The following PCDHA9 variants were observed in gnomAD, a reference collection of about 807,000 sequenced individuals.
PCDHA9 encodes protocadherin alpha 9, also known as protocadherin alpha-9.
Under a neutral mutation model 62.0 loss-of-function variants are expected in PCDHA9, and 62 were observed. That is an observed-to-expected ratio of 1.00 (90% CI 0.81 to 1.23). PCDHA9 has a LOEUF of 1.23. PCDHA9 is among the 50% of genes most tolerant of loss of function. PCDHA9 has a pLI of 0.00. For missense variants in PCDHA9, 1,205 were observed against 1,249.8 expected (o/e 0.96, Z 0.54); for synonymous variants, 557 against 567.6 (o/e 0.98, Z 0.27).
chr5:140,880,416 C>T lies in PCDHA9; in HGVS notation c.2394+29527C>T, dbSNP rs188503917. ...AAGAGCATATGGTTGACCTTAAAAG[C>T]GGGAACAGTTTTTCCTTACAACTAG... On this transcript the variant is annotated intron_variant, in intron 1 of 3. Coordinates refer to ENST00000532602, the MANE Select transcript of PCDHA9 (RefSeq NM_031857.2). Among the ~76,000 whole-genome samples, 429 of 152,140 alleles carry T rather than the reference C, an allele frequency of 2.8e-3. 2 individuals carry two copies. Among genetic ancestry groups the T allele is most frequent in the Middle Eastern group, 0.014 (4 of 294 alleles).
chr5:140,976,267 T>C (rs115616483), intron 1 of PCDHA9, among the ~76,000 whole-genome samples: 1,952 of 152,234 alleles, frequency 0.013, 51 homozygotes, highest in African/African-American at 0.045. Flanking sequence ...ACACAGACTT[T>C]TGGCAAGGCA....
chr5:140,957,385 A>G (rs1166781130), intron 1 of PCDHA9, among the ~76,000 whole-genome samples: 1 of 152,192 alleles, frequency 6.6e-6, no homozygotes, highest in Non-Finnish European at 1.5e-5. Flanking sequence ...GTGTATTGTT[A>G]TAATTGTCCT....
intron 1 of PCDHA9, chr5:140,859,217 C>T (rs1409192343): frequency 6.7e-6 from 1 of 149,754 alleles, no homozygotes; most frequent in South Asian, 2.1e-4. Context: ...AGCTCTTTCA[C>T]TTTAAGGAAG....
chr5:140,881,724 A>C (rs1165848100), intron 1 of PCDHA9, among the ~76,000 whole-genome samples: 1 of 152,194 alleles, frequency 6.6e-6, no homozygotes, highest in Admixed American at 6.5e-5. Flanking sequence ...GAGGTCTTGA[A>C]AAATATTACA....
chr5:140,852,575 CTTTT>C, intron 1 of PCDHA9: 1 of 799,032 alleles, frequency 1.3e-6, no homozygotes, highest in Non-Finnish European at 1.5e-6. Context: ...TGTGCCAAGG[CTTTT>C]TTATTTTTTT....
intron 1 of PCDHA9, among the ~76,000 whole-genome samples, chr5:140,855,385 G>C (rs2043451354): frequency 6.7e-6 from 1 of 149,884 alleles, no homozygotes; most frequent in Non-Finnish European, 1.5e-5. Context: ...AATCTAAATG[G>C]AGAAATGTCT....
Position 140,982,346 on chromosome 5 carries a change from G to T in PCDHA9, c.2454-129G>T, listed in dbSNP as rs1484322650. On this transcript the variant is annotated intron_variant, in intron 2 of 3. Coordinates refer to ENST00000532602, the MANE Select transcript of PCDHA9 (RefSeq NM_031857.2). ...TGACTGCTCAGCAGTAATTGCTTCA[G>T]TTCAAGCATGAGCAGAATGTGTTAG... 2.7e-6 allele frequency: 4 copies of T among 1,492,344 alleles called. No homozygotes were observed. The Admixed American group carries it at 8.5e-5, about 32-fold the overall frequency. The allele number at this position is 1,492,344 out of a possible 1,614,324, so 92.4% of individuals were successfully genotyped here. A position where few individuals can be genotyped will look rare whatever the true frequency, so the allele number is the denominator to read the frequency against.
chr5:140,876,618 T>C (rs781928314), intron 1 of PCDHA9: 7 of 1,614,074 alleles, frequency 4.3e-6, no homozygotes, highest in African/African-American at 1.3e-5. Flanking sequence ...CTGGAGCCAA[T>C]GGACAGGTCA....
At chr5:141,003,122 C>A (rs782642950) in intron 3 of PCDHA9, among the ~76,000 whole-genome samples, 57 of 152,318 alleles carry the variant, frequency 3.7e-4, no homozygotes, top group African/African-American at 9.6e-4. Context: ...TGGCCCTTTC[C>A]TGGCATTTGC....
chr5:140,851,840 T>G, intron 1 of PCDHA9: 1 of 970,530 alleles, frequency 1.0e-6, no homozygotes, highest in South Asian at 4.8e-5. Context: ...TAAAAATATC[T>G]TTTTCTCCTC....
intron 3 of PCDHA9, among the ~76,000 whole-genome samples, chr5:141,001,290 G>A (rs2098005878): frequency 6.6e-6 from 1 of 152,100 alleles, no homozygotes; most frequent in Non-Finnish European, 1.5e-5. Flanking sequence ...GATGAAAACT[G>A]AGGCCCAGAG....
intron 1 of PCDHA9, chr5:140,928,163 C>A: frequency 6.2e-7 from 1 of 1,614,204 alleles, no homozygotes; most frequent in Non-Finnish European, 8.5e-7. Flanking sequence ...GGCTCACCCC[C>A]ACTTAGCACC....
At position 140,943,494 on chromosome 5, in the gene PCDHA9, A is replaced by G. The variant is rs1046059269; in HGVS notation, c.2395-35455A>G. ...TACAGTAAAATAATAAATAGATGCT[A>G]TCAAGGTTCATGGAAATGTTGAGTT... is the stretch of plus-strand genomic sequence containing the variant. On this transcript the variant is annotated intron_variant, in intron 1 of 3. Transcript: ENST00000532602. Among the ~76,000 whole-genome samples, 4 of 152,132 alleles carry G rather than the reference A, an allele frequency of 2.6e-5. No homozygotes were observed. The East Asian group carries it at 5.8e-4, about 22-fold the overall frequency.
At chr5:140,862,877 G>T in intron 1 of PCDHA9, 1 of 567,556 alleles carries the variant, frequency 1.8e-6, no homozygotes. Flanking sequence ...CCAGGTATTA[G>T]TGCTGGAACG....
chr5:140,941,185 CT>C (rs782102770), intron 1 of PCDHA9, among the ~76,000 whole-genome samples: 20 of 102,174 alleles, frequency 2.0e-4, no homozygotes, highest in Admixed American at 7.9e-4. Context: ...CATCCTGCTT[CT>C]TTTTTTTTCT....
chr5:140,908,155 G>A (rs559304647), intron 1 of PCDHA9, among the ~76,000 whole-genome samples: 3 of 152,312 alleles, frequency 2.0e-5, no homozygotes, highest in East Asian at 3.9e-4. Flanking sequence ...TCCTAGGAAG[G>A]GGCTGTAGTG....
intron 3 of PCDHA9, among the ~76,000 whole-genome samples, chr5:141,003,915 C>T (rs2153979429): frequency 6.6e-6 from 1 of 152,298 alleles, no homozygotes; most frequent in African/African-American, 2.4e-5. Context: ...GTCTTGACTG[C>T]ATCCTCAGTC....
At chr5:140,856,434 C>G (rs551569829) in intron 1 of PCDHA9, 1 of 1,598,320 alleles carries the variant, frequency 6.3e-7, no homozygotes, top group South Asian at 1.1e-5. Context: ...AACGACAACC[C>G]GCCCAGGTTC....
chr5:140,882,357 A>G lies in PCDHA9; in HGVS notation c.2394+31468A>G, dbSNP rs1010659037. On this transcript the variant is annotated intron_variant, in intron 1 of 3. Transcript: ENST00000532602. Reference sequence around the variant, plus strand: ...GCAGCCTGGGAGACGGGTAGTGGCCAGCTCCACTACTCCGTCCCCGAGGAA... The same window carrying G: ...GCAGCCTGGGAGACGGGTAGTGGCCGGCTCCACTACTCCGTCCCCGAGGAA... 22 of 1,614,084 alleles carry G rather than the reference A, an allele frequency of 1.4e-5. No individual in the cohort carries two copies. In the Admixed American group the frequency reaches 2.5e-4, roughly 18 times the overall value.
Sources: gnomAD v4.1 joint callset for allele counts (sites outside exome capture counted in the v4.1 genomes callset) on GRCh38, gnomAD v4.1.1 for gene constraint, MANE v1.5 for transcripts, NCBI Gene and HGNC (gene_info 2026-07-23, HGNC 2026-07-21) for gene names.